The following INF2 variants were observed in gnomAD, a reference collection of about 807,000 sequenced individuals.
INF2 encodes the protein inverted formin-2.
In INF2, 43 loss-of-function variants were observed where a neutral mutation model predicts 123.5. That is an observed-to-expected ratio of 0.35 (90% CI 0.27 to 0.45). INF2 has a LOEUF of 0.45. INF2 is among the 20% of genes least tolerant of loss of function. The probability of loss-of-function intolerance (pLI) is 1.00; values close to 1 mark genes in which losing one functional copy is unlikely to be tolerated. For missense variants in INF2, 1,453 were observed against 1,682.7 expected (o/e 0.86, Z 2.39); for synonymous variants, 851 against 745.0 (o/e 1.14, Z -2.32).
intron 1 of INF2, among the ~76,000 whole-genome samples, chr14:104,694,952 A>G (rs57999984): frequency 0.11 from 16,784 of 152,164 alleles, 1,555 homozygotes; most frequent in East Asian, 0.47. Flanking sequence ...CCTGGCTCCA[A>G]TGAGCTGCTG....
rs995525204 is a variant in INF2 at position 104,715,456 on chromosome 14, G to A, written c.*1+116G>A. The stretch of plus-strand genomic sequence containing the variant: ...ACCTGGCTTCTCTCCAGCCCGCGTG[G>A]TGCGTCAGTGTGGCCTTGCCGCTCC... On this transcript the variant is annotated intron_variant, in intron 22 of 22. Transcript: ENST00000392634. 14 of 967,914 alleles carry A rather than the reference G, an allele frequency of 1.4e-5. No individual in the cohort carries two copies. The African/African-American group carries it at 2.1e-4, about 14-fold the overall frequency. 60.0% of individuals were successfully genotyped at this position (967,914 alleles called of 1,614,324 possible).
At position 104,707,421 on chromosome 14, in the gene INF2, G is replaced by A; in HGVS notation, c.1154G>A (p.Gly385Asp). 6.3e-7 allele frequency: 1 copy of A among 1,575,336 alleles called. No individual in the cohort carries two copies. The highest frequency in any genetic ancestry group is 1.2e-5 in the South Asian group (1 of 85,956). Residue 385 changes from glycine (G) to aspartate (D), a missense_variant, in exon 8 of 23, where the codon GGC (glycine) becomes GAC (aspartate). Transcript: ENST00000392634. ...NTTTPKPSVE[G>D]QQPAAAAACE... ...ACAACCCCCAAGCCCAGCGTGGAGGGCCAGCAGCCAGCAGCAGCTGCTGCC... is the reference window on the plus strand; with the variant it reads ...ACAACCCCCAAGCCCAGCGTGGAGGACCAGCAGCCAGCAGCAGCTGCTGCC...
intron 11 of INF2, 64 bp downstream of exon 11, chr14:104,709,447 C>T (rs749000771): frequency 1.9e-5 from 26 of 1,398,534 alleles, no homozygotes; most frequent in Admixed American, 6.8e-5. Context: ...GAGGCTGTCC[C>T]GGGGGCTCCC....
rs7145566 is a variant in INF2 at position 104,703,884 on chromosome 14, C to T, written c.668-32C>T. The T allele has an allele frequency of 0.078, 124,940 of 1,610,586 alleles. 5,352 individuals carry two copies. Among genetic ancestry groups the T allele is most frequent in the Middle Eastern group, 0.11 (636 of 6,044 alleles). ...AATGGGGAAGGCGGGGAGTGGCCTC[C>T]GAACCCTCTGACCCTGTCCGTCCCT... On this transcript the variant is annotated intron_variant, in intron 4 of 22. Transcript: ENST00000392634.
intron 1 of INF2, among the ~76,000 whole-genome samples, chr14:104,701,102 C>T (rs923805692): frequency 2.0e-5 from 3 of 152,168 alleles, no homozygotes; most frequent in African/African-American, 7.2e-5. Context: ...CAGCCCTGAG[C>T]CTCGGGGTCC....
rs971303265 is a variant in INF2, at chr14:104,699,315, G to A, written c.-9-2042G>A. The A allele has an allele frequency of 1.1e-5, 9 of 818,582 alleles. No individual in the cohort carries two copies. The highest frequency in any genetic ancestry group is 1.3e-4 in the East Asian group (1 of 7,964). 50.7% of individuals were successfully genotyped at this position (818,582 alleles called of 1,614,324 possible). A position where few individuals can be genotyped will look rare whatever the true frequency, so the allele number is the denominator to read the frequency against. The stretch of plus-strand genomic sequence containing the variant: ...GACAGGGACTCCGGCCAATGGAGGC[G>A]GGGGAGGAAAGGAGGGTCAGTTCTG... On this transcript the variant is annotated intron_variant, in intron 1 of 22. Coordinates refer to ENST00000392634, the MANE Select transcript of INF2 (RefSeq NM_022489.4). The surrounding 1 kb of genome is among the most constrained non-coding windows in gnomAD (Gnocchi z 4.7).
intron 6 of INF2, 104 bp from the exon 7 acceptor site, chr14:104,706,806 A>C: frequency 7.7e-7 from 1 of 1,306,592 alleles, no homozygotes; most frequent in Non-Finnish European, 1.1e-6. Context: ...ATCCGTGGGA[A>C]TAGAGGGGGT....
chr14:104,714,289 G>A lies in INF2; in HGVS notation c.3127G>A (p.Glu1043Lys), dbSNP rs958862615. 8.2e-6 allele frequency: 13 copies of A among 1,592,432 alleles called. No individual in the cohort carries two copies. In the East Asian group the frequency reaches 1.6e-4, roughly 20 times the overall value. ...EPGLDATTASESRGWDLVDAV... is the reference protein window; with the variant it reads ...EPGLDATTASKSRGWDLVDAV... The stretch of plus-strand genomic sequence containing the variant: ...CGGCCTTGATGCTACAACAGCCAGC[G>A]AGTCCCGGGGCTGGGACCTTGTAGA... Residue 1043 changes from glutamate (E) to lysine (K), a missense_variant, in exon 21 of 23, where the codon GAG becomes AAG. Transcript: ENST00000392634.
chr14:104,715,153 T>C (rs2035814966), intron 21 of INF2, 131 bp from the exon 22 acceptor site: 2 of 901,188 alleles, frequency 2.2e-6, no homozygotes, highest in East Asian at 2.4e-5. Flanking sequence ...TGTGGCTTAG[T>C]GGCCAGAGAA....
Position 104,707,657 on chromosome 14 carries a change from CCA to C in INF2, c.1391_1392del (p.Pro464ArgfsTer21). 1 of 1,017,834 alleles carries C rather than the reference CCA, an allele frequency of 9.8e-7. No homozygotes were observed. The highest frequency in any genetic ancestry group is 1.4e-6 in the Non-Finnish European group (1 of 696,750). 63.1% of individuals were successfully genotyped at this position (1,017,834 alleles called of 1,614,324 possible). ...LPTAPPPPPL[P>X]GLGAMAPPAP... ...AACAGCACCCCCGCCCCCACCCCTG[CCA>C]GGCCTGGGGGCCATGGCCCCCCCAG... On this transcript the variant is annotated frameshift_variant, in exon 8 of 23. Coordinates refer to ENST00000392634, the MANE Select transcript of INF2 (RefSeq NM_022489.4). LOFTEE classifies it high-confidence loss of function.
upstream of INF2, chr14:104,689,375 C>T (rs1888813349): frequency 9.5e-6 from 6 of 632,116 alleles, no homozygotes; most frequent in Non-Finnish European, 1.2e-5. Context: ...CGCGTCCCAC[C>T]CCCATCTCCG....
At chr14:104,712,793 G>C in intron 17 of INF2, 35 bp from the exon 18 acceptor site, 1 of 1,579,754 alleles carries the variant, frequency 6.3e-7, no homozygotes. Context: ...CCCGCGCGGG[G>C]CTCTCACGGG....
chr14:104,706,984 C>T lies in INF2; in HGVS notation c.918C>T (p.Arg306=), dbSNP rs1295274256. 6.3e-7 allele frequency: 1 copy of T among 1,599,298 alleles called. No individual in the cohort carries two copies. The highest frequency in any genetic ancestry group is 8.5e-7 in the Non-Finnish European group (1 of 1,178,726). Residue 306 remains arginine, a synonymous_variant, in exon 7 of 23, where the codon CGC becomes CGT. Transcript: ENST00000392634. Reference sequence around the variant, plus strand: ...TCCTGCACCTGGAGCCCACCCTCCGCTCCAGCCAGCTGCTCTGGGAGGCCC... The same window carrying T: ...TCCTGCACCTGGAGCCCACCCTCCGTTCCAGCCAGCTGCTCTGGGAGGCCC... ...QGLLHLEPTL[R]SSQLLWEALE...
intron 22 of INF2, chr14:104,715,777 G>A (rs1475584289): frequency 2.9e-5 from 14 of 480,260 alleles, no homozygotes; most frequent in Admixed American, 6.9e-5. Flanking sequence ...TTGGTGGAGG[G>A]CTATCTTCAC....
chr14:104,687,479 T>TAC (rs5811149), upstream of INF2, among the ~76,000 whole-genome samples: 29,320 of 131,858 alleles, frequency 0.22, 2,854 homozygotes, highest in Non-Finnish European at 0.23. This position sits in a 1 kb window ranked among gnomAD's most constrained non-coding sequence, Gnocchi z 5.6. Context: ...CACACACACA[T>TAC]ACACACACAC....
At chr14:104,716,375 G>A (rs190466442) in intron 22 of INF2, among the ~76,000 whole-genome samples, 1 of 152,204 alleles carries the variant, frequency 6.6e-6, no homozygotes, top group East Asian at 1.9e-4. Flanking sequence ...TTGCTTCCAG[G>A]GTCATCTTCC....
At chr14:104,689,590 T>TACCCCCCCCCCCC, upstream of INF2, 1 of 646,936 alleles carries the variant, frequency 1.5e-6, no homozygotes, top group Non-Finnish European at 1.9e-6. Context: ...CTCCTCTTCC[T>TACCCCCCCCCCCC]CCCGCCCGCC....
Position 104,707,775 on chromosome 14 carries a change from C to A in INF2, c.1508C>A (p.Pro503His). ...CCGGGCTTGGGATGCCCGCCCCCAC[C>A]CCCACCCCTGCTGCCTGGTATGGGC... ...PLPGLGCPPP[P>H]PPLLPGMGWG... The change falls in exon 8 of 23, where the codon CCC (proline) becomes CAC (histidine). Residue 503 changes from proline (P) to histidine (H), a missense_variant. Coordinates refer to ENST00000392634, the MANE Select transcript of INF2 (RefSeq NM_022489.4). The A allele has an allele frequency of 3.6e-6, 5 of 1,373,228 alleles. No individual in the cohort carries two copies. The highest frequency in any genetic ancestry group is 4.0e-6 in the Non-Finnish European group (4 of 994,856). 85.1% of individuals were successfully genotyped at this position (1,373,228 alleles called of 1,614,324 possible).
chr14:104,708,547 C>A lies in INF2; in HGVS notation c.1847C>A (p.Pro616His). 1.9e-6 allele frequency: 3 copies of A among 1,612,254 alleles called. No homozygotes were observed. Among genetic ancestry groups the A allele is most frequent in the Non-Finnish European group, 2.5e-6 (3 of 1,179,738 alleles). Reference protein sequence around the residue: ...FSFPAAKPKEPTMVAPRARKE... With the variant: ...FSFPAAKPKEHTMVAPRARKE... ...TTCCCTGCAGCCAAGCCCAAGGAGC[C>A]CACCATGGTGGCCCCCCGGGCCAGG... Residue 616 changes from proline to histidine, a missense_variant, in exon 9 of 23, where the codon CCC becomes CAC. Physicochemically the swap from Pro to His is moderately conservative, Grantham distance 77. Coordinates refer to ENST00000392634, the MANE Select transcript of INF2 (RefSeq NM_022489.4).
Sources: gnomAD v4.1 joint callset for allele counts (sites outside exome capture counted in the v4.1 genomes callset) on GRCh38, gnomAD v4.1.1 for gene constraint, Gnocchi (gnomAD v3.1) non-coding constraint, MANE v1.5 for transcripts, NCBI Gene and HGNC (gene_info 2026-07-23, HGNC 2026-07-21) for gene names.